WBP4: variants seen among roughly 807,000 people sequenced by gnomAD.
WBP4 encodes WW domain binding protein 4.
WBP4 carries 37 observed loss-of-function variants against 55.4 expected under a neutral mutation model. That is an observed-to-expected ratio of 0.67 (90% CI 0.51 to 0.88). WBP4 has a LOEUF of 0.88. Among genes scored for constraint, WBP4 ranks in the 40% least tolerant of loss-of-function variants. The pLI is 0.00. For synonymous variants in WBP4, 142 were observed against 140.2 expected (o/e 1.01, Z -0.09); for missense variants, 398 against 420.8 (o/e 0.95, Z 0.47).
At chr13:41,079,835 A>AT (rs148547955) in intron 8 of WBP4, among the ~76,000 whole-genome samples, 7 of 152,336 alleles carry the variant, frequency 4.6e-5, no homozygotes, top group African/African-American at 1.7e-4. Flanking sequence ...GGAGGATTGG[A>AT]TAAAAAAAAT....
chr13:41,072,070 A>G (rs1257476248), intron 6 of WBP4, among the ~76,000 whole-genome samples: 1 of 150,148 alleles, frequency 6.7e-6, no homozygotes, highest in Admixed American at 6.6e-5. Context: ...AAAAAAAAGT[A>G]CTGATATCTA....
At chr13:41,063,436 A>G (rs148736522) in intron 2 of WBP4, among the ~76,000 whole-genome samples, 301 of 152,096 alleles carry the variant, frequency 2.0e-3, no homozygotes, top group African/African-American at 6.6e-3. Flanking sequence ...TTCTGTAGAC[A>G]TTTATTTCCT....
rs535622044 is a variant in WBP4, at chr13:41,068,237, T to C, written c.263-324T>C. ...CTCTGATATGAAATACCAGCCAACC[T>C]GAAGTTGGCTCTGTATCTGGACTAT... On this transcript the variant is annotated intron_variant, in intron 4 of 9. Transcript: ENST00000379487. Among the ~76,000 whole-genome samples, 9 of 152,310 alleles carry C rather than the reference T, an allele frequency of 5.9e-5. No individual in the cohort carries two copies. In the East Asian group the frequency reaches 1.3e-3, roughly 23 times the overall value.
At chr13:41,075,578 G>T (rs980152919) in intron 7 of WBP4, among the ~76,000 whole-genome samples, 1 of 152,000 alleles carries the variant, frequency 6.6e-6, no homozygotes, top group African/African-American at 2.4e-5. Context: ...ACAGGTTCTC[G>T]CTATGTTGCC....
At chr13:41,065,374 A>G (rs1010077286) in intron 4 of WBP4, 87 bp downstream of exon 4, 8 of 1,461,276 alleles carry the variant, frequency 5.5e-6, no homozygotes, top group Non-Finnish European at 7.2e-6. Flanking sequence ...TTGCTTCCAT[A>G]AAGAGGTTAT....
chr13:41,064,766 C>T (rs949751375), intron 2 of WBP4, among the ~76,000 whole-genome samples: 2 of 151,982 alleles, frequency 1.3e-5, no homozygotes, highest in African/African-American at 4.8e-5. Flanking sequence ...GTATTTTTCT[C>T]CATTAATAAG....
chr13:41,081,236 C>G (rs1347441006), intron 9 of WBP4, among the ~76,000 whole-genome samples: 1 of 151,768 alleles, frequency 6.6e-6, no homozygotes, highest in Non-Finnish European at 1.5e-5. Flanking sequence ...AGGTGGCTCA[C>G]GCCTGTAATC....
At position 41,082,471 on chromosome 13, in the gene WBP4, G is replaced by T. The variant is rs118046407; in HGVS notation, c.921-233G>T. On this transcript the variant is annotated intron_variant, in intron 9 of 9. Transcript: ENST00000379487. ...AAGCCCAAGCATTTTCTTAGATAAT[G>T]CATCCTTTGTGCAACAGGAATAAAT... Among the ~76,000 whole-genome samples the T allele has an allele frequency of 7.2e-4, 110 of 152,124 alleles. 1 individual carries two copies. In the East Asian group the frequency reaches 0.017, roughly 23 times the overall value.
chr13:41,070,630 GATGGTTA>G (rs756085840), intron 5 of WBP4, among the ~76,000 whole-genome samples: 19 of 152,208 alleles, frequency 1.2e-4, no homozygotes, highest in Admixed American at 2.6e-4. Context: ...GTAGCTAATT[GATGGTTA>G]CAGTGTGGAG....
intron 6 of WBP4, among the ~76,000 whole-genome samples, chr13:41,071,987 A>G (rs1002473240): frequency 6.6e-6 from 1 of 150,580 alleles, no homozygotes; most frequent in Non-Finnish European, 1.5e-5. Context: ...AGAGGTTAAC[A>G]GTGAGCCGAG....
intron 7 of WBP4, among the ~76,000 whole-genome samples, chr13:41,074,692 G>T (rs1255053862): frequency 6.6e-6 from 1 of 152,140 alleles, no homozygotes; most frequent in Non-Finnish European, 1.5e-5. Context: ...CACATAGTAG[G>T]TGCTAAATAA....
chr13:41,072,882 A>C (rs377365011), intron 7 of WBP4, 25 bp downstream of exon 7: 6 of 1,586,406 alleles, frequency 3.8e-6, no homozygotes, highest in African/African-American at 1.4e-5. Flanking sequence ...TGATTATCTT[A>C]ACTGTTTAAA....
chr13:41,063,425 C>G (rs926963370), intron 2 of WBP4, among the ~76,000 whole-genome samples: 2 of 152,122 alleles, frequency 1.3e-5, no homozygotes, highest in Non-Finnish European at 2.9e-5. Context: ...CTGTGGATTT[C>G]TTCTGTAGAC....
At position 41,076,197 on chromosome 13, in the gene WBP4, G is replaced by A. The variant is rs767591716; in HGVS notation, c.716G>A (p.Gly239Glu). The A allele has an allele frequency of 6.2e-7, 1 of 1,611,840 alleles. No individual in the cohort carries two copies. Among genetic ancestry groups the A allele is most frequent in the Non-Finnish European group, 8.5e-7 (1 of 1,179,684 alleles). Residue 239 changes from glycine to glutamate, a missense_variant, in exon 8 of 10, where the codon GGG (glycine) becomes GAG (glutamate). Physicochemically the swap from Gly to Glu is moderately conservative, Grantham distance 98. Transcript: ENST00000379487. ...GGGGAACAGGAAGCAGAAGAAGGAG[G>A]GGTCTCTACAGAGACAGAAAAGCCA... is the stretch of plus-strand genomic sequence containing the variant. ...SDGEQEAEEG[G>E]VSTETEKPKI... is the part of the protein sequence containing the mutation.
At chr13:41,080,505 A>G in intron 8 of WBP4, 141 bp from the exon 9 acceptor site, 3 of 644,332 alleles carry the variant, frequency 4.7e-6, no homozygotes, top group South Asian at 2.2e-5. Flanking sequence ...AGTTCTATGT[A>G]TATTTATTGT....
intron 7 of WBP4, among the ~76,000 whole-genome samples, chr13:41,075,139 C>A (rs950360654): frequency 5.9e-5 from 9 of 152,038 alleles, no homozygotes; most frequent in African/African-American, 2.2e-4. Flanking sequence ...AGAATAATTA[C>A]TAACGGCAGC....
intron 5 of WBP4, 148 bp downstream of exon 5, chr13:41,068,885 T>C (rs751844898): frequency 5.7e-5 from 48 of 843,408 alleles, no homozygotes; most frequent in Non-Finnish European, 7.8e-5. Flanking sequence ...GTAAGAAAAC[T>C]GTGTGCCCTT....
intron 5 of WBP4, among the ~76,000 whole-genome samples, chr13:41,069,687 CAG>C (rs996623625): frequency 2.5e-5 from 3 of 120,068 alleles, no homozygotes; most frequent in African/African-American, 9.6e-5. Flanking sequence ...GCCTGGGCGA[CAG>C]AGCGAGACTC....
intron 7 of WBP4, among the ~76,000 whole-genome samples, chr13:41,075,242 C>G (rs1194338611): frequency 1.3e-5 from 2 of 152,110 alleles, no homozygotes; most frequent in Non-Finnish European, 1.5e-5. Context: ...CCCAATGAAC[C>G]ACTGGATGGC....
Sources: allele counts gnomAD v4.1 joint callset (sites outside exome capture counted in the v4.1 genomes callset), GRCh38; gene constraint gnomAD v4.1.1; transcripts MANE v1.5; gene names NCBI Gene and HGNC (gene_info 2026-07-23, HGNC 2026-07-21).